Variants in GPR39 observed in about 807,000 individuals in gnomAD.
The protein encoded by GPR39 is G protein-coupled receptor 39, also known as zinc sensing receptor.
In GPR39, 23 loss-of-function variants were observed where a neutral mutation model predicts 18.4. The observed-to-expected ratio is 1.25, with a 90% CI of 0.90 to 1.77. The LOEUF (loss-of-function observed/expected upper bound fraction) is 1.77. Among genes scored for constraint, GPR39 ranks in the 40% most tolerant of loss-of-function variants. The probability of loss-of-function intolerance (pLI) is 0.00; values close to 1 mark genes in which losing one functional copy is unlikely to be tolerated. For synonymous variants in GPR39, 280 were observed against 257.9 expected, an observed-to-expected ratio of 1.09 and a Z score of -0.82; for missense variants, 647 against 602.4, an observed-to-expected ratio of 1.07 and a Z score of -0.78.
intron 1 of GPR39, among the ~76,000 whole-genome samples, chr2:132,623,365 G>A (rs2104861944): frequency 6.6e-6 from 1 of 152,218 alleles, no homozygotes; most frequent in Non-Finnish European, 1.5e-5. Context: ...AGGAAGATCT[G>A]AAAAAGAAGG....
intron 1 of GPR39, among the ~76,000 whole-genome samples, chr2:132,593,265 A>T (rs1680877966): frequency 6.6e-6 from 1 of 152,170 alleles, no homozygotes; most frequent in Non-Finnish European, 1.5e-5. Context: ...ATTGAATCAT[A>T]GCCCAGGTCT....
At chr2:132,536,020 A>AG (rs1679752451) in intron 1 of GPR39, among the ~76,000 whole-genome samples, 1 of 150,376 alleles carries the variant, frequency 6.6e-6, no homozygotes, top group African/African-American at 2.4e-5. Flanking sequence ...AAAAAAAAAA[A>AG]ACAGCTCCTG....
intron 1 of GPR39, among the ~76,000 whole-genome samples, chr2:132,423,566 G>T (rs1353438608): frequency 6.6e-6 from 1 of 152,080 alleles, no homozygotes; most frequent in Non-Finnish European, 1.5e-5. Context: ...CTGTGTATGG[G>T]TTGTTTCCTC....
chr2:132,645,961 C>T lies in GPR39; in HGVS notation c.*355C>T, dbSNP rs192690503. ...TCCCTACCCAGAATAAAAGGACACC[C>T]AGAAGAAACTCACTCAGGGAGGTGG... On this transcript the variant is annotated 3_prime_UTR_variant, in exon 2 of 2. Coordinates refer to ENST00000329321, the MANE Select transcript of GPR39 (RefSeq NM_001508.3). The T allele has an allele frequency of 7.2e-5, 75 of 1,043,716 alleles. No individual in the cohort carries two copies. In the African/African-American group the frequency reaches 9.7e-4, roughly 14 times the overall value. The allele number at this position is 1,043,716 out of a possible 1,614,324, so 64.7% of individuals were successfully genotyped here. A position where few individuals can be genotyped will look rare whatever the true frequency, so the allele number is the denominator to read the frequency against.
At chr2:132,615,733 A>G (rs977515435) in intron 1 of GPR39, among the ~76,000 whole-genome samples, 6 of 152,130 alleles carry the variant, frequency 3.9e-5, no homozygotes, top group Admixed American at 3.9e-4. Context: ...TTTAATTGAA[A>G]TTCTACTTTT....
chr2:132,609,708 AC>A (rs1362885223), intron 1 of GPR39, among the ~76,000 whole-genome samples: 2 of 152,150 alleles, frequency 1.3e-5, no homozygotes, highest in Non-Finnish European at 2.9e-5. Context: ...GGGCCTTGTC[AC>A]TGCTGTCTGC....
intron 1 of GPR39, among the ~76,000 whole-genome samples, chr2:132,451,953 C>G (rs1306346205): frequency 6.6e-6 from 1 of 152,036 alleles, no homozygotes; most frequent in Non-Finnish European, 1.5e-5. Flanking sequence ...AAACTTCTTC[C>G]CCTAATAGTT....
At chr2:132,609,965 C>T (rs552996464) in intron 1 of GPR39, among the ~76,000 whole-genome samples, 1 of 152,084 alleles carries the variant, frequency 6.6e-6, no homozygotes, top group East Asian at 2.0e-4. Flanking sequence ...AAAGCCTTCC[C>T]CAACTTCTGT....
chr2:132,524,610 T>C (rs1679478146), intron 1 of GPR39, among the ~76,000 whole-genome samples: 1 of 152,206 alleles, frequency 6.6e-6, no homozygotes, highest in African/African-American at 2.4e-5. Flanking sequence ...TGTCAGCATC[T>C]TTGTCCCAAA....
intron 1 of GPR39, among the ~76,000 whole-genome samples, chr2:132,456,330 G>T (rs1377133324): frequency 1.6e-4 from 23 of 146,668 alleles, no homozygotes; most frequent in Non-Finnish European, 2.2e-4. Flanking sequence ...CCATTTGCTT[G>T]GTAGATCTTC....
At chr2:132,434,172 G>A (rs138203920) in intron 1 of GPR39, among the ~76,000 whole-genome samples, 108 of 152,220 alleles carry the variant, frequency 7.1e-4, no homozygotes, top group African/African-American at 2.5e-3. Flanking sequence ...CATGAAGGAC[G>A]TTTATTAGTA....
chr2:132,634,255 C>T (rs762940087), intron 1 of GPR39, among the ~76,000 whole-genome samples: 4 of 152,104 alleles, frequency 2.6e-5, no homozygotes, highest in Non-Finnish European at 4.4e-5. Flanking sequence ...TGACAGCAGT[C>T]ACTGTGGTCA....
At chr2:132,468,161 A>T (rs987765440) in intron 1 of GPR39, among the ~76,000 whole-genome samples, 1 of 152,190 alleles carries the variant, frequency 6.6e-6, no homozygotes, top group Non-Finnish European at 1.5e-5. Flanking sequence ...ACAATCTCCA[A>T]AATTGAACTT....
At position 132,417,826 on chromosome 2, in the gene GPR39, C is replaced by G. The variant is rs147258605; in HGVS notation, c.784C>G (p.Arg262Gly). ...GAAGGGCTCGCTGGCCGGGGGCACG[C>G]GGCCTCCGCAGCTGAGGAAGTCCGA... ...SQKGSLAGGT[R>G]PPQLRKSESE... Residue 262 changes from arginine to glycine, a missense_variant, in exon 1 of 2, where the codon CGG becomes GGG. By Grantham distance (125) the Arg-to-Gly change is moderately radical (BLOSUM62 -2). Transcript: ENST00000329321. 2.0e-4 allele frequency: 328 copies of G among 1,613,660 alleles called. No homozygotes were observed. The African/African-American group carries it at 4.2e-3, about 20-fold the overall frequency.
intron 1 of GPR39, chr2:132,606,240 T>A (rs1418691032): frequency 6.6e-6 from 1 of 152,298 alleles, no homozygotes; most frequent in Non-Finnish European, 1.5e-5. Flanking sequence ...GTAGGTAATT[T>A]ATTGAGCCTC....
At chr2:132,430,560 A>G (rs970375396) in intron 1 of GPR39, among the ~76,000 whole-genome samples, 3 of 152,204 alleles carry the variant, frequency 2.0e-5, no homozygotes, top group Non-Finnish European at 4.4e-5. Flanking sequence ...GTAGAAATTC[A>G]TGGACCACCA....
intron 1 of GPR39, among the ~76,000 whole-genome samples, chr2:132,498,885 G>A (rs1346850950): frequency 6.6e-6 from 1 of 152,062 alleles, no homozygotes; most frequent in Admixed American, 6.6e-5. Context: ...GTGTGTTCAT[G>A]TCTTTAGCCC....
intron 1 of GPR39, among the ~76,000 whole-genome samples, chr2:132,644,230 A>C (rs1468382791): frequency 6.6e-6 from 1 of 152,218 alleles, no homozygotes; most frequent in Non-Finnish European, 1.5e-5. Context: ...GAATACAAAT[A>C]TGTGGGCATG....
chr2:132,505,479 C>A (rs62167455), intron 1 of GPR39, among the ~76,000 whole-genome samples: 5,120 of 152,194 alleles, frequency 0.034, 182 homozygotes, highest in African/African-American at 0.092. Context: ...CTACTTTCCA[C>A]CGTTAGAACT....
Sources: allele counts gnomAD v4.1 joint callset (sites outside exome capture counted in the v4.1 genomes callset), GRCh38; gene constraint gnomAD v4.1.1; transcripts MANE v1.5; gene names NCBI Gene and HGNC (gene_info 2026-07-23, HGNC 2026-07-21).